Variants in TRIB3 observed in about 807,000 individuals in gnomAD.
TRIB3 encodes tribbles homolog 3.
In TRIB3, 20 loss-of-function variants were observed where a neutral mutation model predicts 16.6. The observed-to-expected ratio is 1.20, with a 90% CI of 0.85 to 1.75. The LOEUF (loss-of-function observed/expected upper bound fraction) is 1.75. Among genes scored for constraint, TRIB3 ranks in the 40% most tolerant of loss-of-function variants. TRIB3 has a pLI of 0.00. For synonymous variants in TRIB3, 208 were observed against 217.0 expected (o/e 0.96, Z 0.36); for missense variants, 484 against 488.9 (o/e 0.99, Z 0.10).
Position 380,771 on chromosome 20 carries a change from G to A in TRIB3, c.-399G>A, listed in dbSNP as rs1358325015. 1.3e-5 allele frequency: 2 copies of A among 152,236 alleles called. No individual in the cohort carries two copies. The highest frequency in any genetic ancestry group is 2.9e-5 in the Non-Finnish European group (2 of 68,192). The allele number at this position is 152,236 out of a possible 1,614,324, so 9.4% of individuals were successfully genotyped here. ...TGTCTGCACTGACCAGACGCCCCTA[G>A]GGGGCCAGCGAGGGCGGGTCCCAGG... On this transcript the variant is annotated 5_prime_UTR_variant, in exon 1 of 4. Coordinates refer to ENST00000217233, the MANE Select transcript of TRIB3 (RefSeq NM_021158.5).
chr20:385,678 C>G (rs1011037392), intron 1 of TRIB3: 1 of 151,844 alleles, frequency 6.6e-6, no homozygotes, highest in East Asian at 1.9e-4. Context: ...GTTTGAGAAC[C>G]ACTGAACCGC....
At position 391,584 on chromosome 20, in the gene TRIB3, G is replaced by C; in HGVS notation, c.584+5G>C. 1 of 1,602,970 alleles carries C rather than the reference G, an allele frequency of 6.2e-7. No individual in the cohort carries two copies. The highest frequency in any genetic ancestry group is 1.3e-5 in the African/African-American group (1 of 74,914). On this transcript the variant is annotated splice_donor_5th_base_variant and intron_variant, in intron 3 of 3. Coordinates refer to ENST00000217233, the MANE Select transcript of TRIB3 (RefSeq NM_021158.5). Reference sequence around the variant, plus strand: ...TGTCTTCGCTGACCGTGAGAGGTGAGTGTGGTCTCAGAGACCCCAGCCACA... The same window carrying C: ...TGTCTTCGCTGACCGTGAGAGGTGACTGTGGTCTCAGAGACCCCAGCCACA...
intron 1 of TRIB3, among the ~76,000 whole-genome samples, chr20:386,486 A>G (rs986587303): frequency 3.3e-5 from 5 of 152,006 alleles, no homozygotes; most frequent in African/African-American, 1.2e-4. Context: ...TCGGCTCATT[A>G]CAACCTCTGC....
rs2014967718 is a variant in TRIB3 at position 391,269 on chromosome 20, AC to A, written c.292-16del. On this transcript the variant is annotated splice_polypyrimidine_tract_variant and intron_variant, in intron 2 of 3. Transcript: ENST00000217233. ...CCCGGGAGTCCCCAGCTGTGCTAAC[AC>A]CATGCTCTGCCCACAGGTGTACCCC... 3 of 1,608,182 alleles carry A rather than the reference AC, an allele frequency of 1.9e-6. No individual in the cohort carries two copies. The highest frequency in any genetic ancestry group is 2.5e-6 in the Non-Finnish European group (3 of 1,178,618).
chr20:389,972 G>A (rs980508520), intron 2 of TRIB3, among the ~76,000 whole-genome samples: 1 of 152,176 alleles, frequency 6.6e-6, no homozygotes, highest in South Asian at 2.1e-4. Flanking sequence ...ACAAAGTTCT[G>A]TTCTCATCAA....
intron 1 of TRIB3, among the ~76,000 whole-genome samples, chr20:386,473 A>G (rs1422310812): frequency 6.6e-6 from 1 of 152,120 alleles, no homozygotes; most frequent in Non-Finnish European, 1.5e-5. Context: ...TAGTGGCACA[A>G]TCTCGGCTCA....
chr20:391,164 G>A, intron 2 of TRIB3, 123 bp from the exon 3 acceptor site: 1 of 1,109,348 alleles, frequency 9.0e-7, no homozygotes, highest in Non-Finnish European at 1.3e-6. Context: ...GACTCGGTCA[G>A]TGAAGCGCTT....
intron 3 of TRIB3, among the ~76,000 whole-genome samples, chr20:394,454 A>G (rs1600256275): frequency 1.3e-5 from 2 of 152,196 alleles, no homozygotes; most frequent in South Asian, 4.1e-4. Flanking sequence ...GGTAGATACA[A>G]CTACCCCGGA....
Position 396,487 on chromosome 20 carries a change from G to A in TRIB3, c.874G>A (p.Val292Ile). The A allele has an allele frequency of 6.2e-7, 1 of 1,612,942 alleles. No individual in the cohort carries two copies. Among genetic ancestry groups the A allele is most frequent in the African/African-American group, 1.3e-5 (1 of 75,066 alleles). ...CCTCTCGGCCCCTGCCCGCTGTCTG[G>A]TTCGCTGCCTCCTTCGTCGGGAGCC... ...AGLSAPARCL[V>I]RCLLRREPAE... is the part of the protein sequence containing the mutation. The change falls in exon 4 of 4, where the codon GTT becomes ATT. Residue 292 changes from valine (V) to isoleucine (I), a missense_variant. Coordinates refer to ENST00000217233, the MANE Select transcript of TRIB3 (RefSeq NM_021158.5).
intron 1 of TRIB3, among the ~76,000 whole-genome samples, chr20:384,869 A>G (rs2014757015): frequency 6.6e-6 from 1 of 152,018 alleles, no homozygotes; most frequent in African/African-American, 2.4e-5. Flanking sequence ...CTTTAAGAAC[A>G]CTGTCCTGGG....
intron 3 of TRIB3, among the ~76,000 whole-genome samples, chr20:394,822 T>C (rs773076747): frequency 2.6e-5 from 4 of 151,450 alleles, no homozygotes; most frequent in African/African-American, 4.8e-5. Flanking sequence ...AAAAATCACA[T>C]GAGAGTCATT....
Position 387,970 on chromosome 20 carries a change from C to T in TRIB3, c.1-41C>T, listed in dbSNP as rs774908403. Reference sequence around the variant, plus strand: ...ACCAGCAGGGGAAAGGAGGGGCCACCAAGCAGTCTCACTTTAGTGCTTTTC... The same window carrying T: ...ACCAGCAGGGGAAAGGAGGGGCCACTAAGCAGTCTCACTTTAGTGCTTTTC... On this transcript the variant is annotated intron_variant, in intron 1 of 3. Coordinates refer to ENST00000217233, the MANE Select transcript of TRIB3 (RefSeq NM_021158.5). The T allele has an allele frequency of 7.6e-6, 12 of 1,584,738 alleles. 1 individual carries two copies. In the Middle Eastern group the frequency reaches 1.0e-3, roughly 134 times the overall value.
intron 1 of TRIB3, among the ~76,000 whole-genome samples, chr20:384,029 ACATCCAATC>A (rs1299337933): frequency 1.3e-5 from 2 of 148,870 alleles, no homozygotes; most frequent in African/African-American, 4.8e-5. Context: ...TTCACCCCTC[ACATCCAATC>A]CATCCAGTCC....
chr20:390,970 C>T (rs1399532298), intron 2 of TRIB3, among the ~76,000 whole-genome samples: 1 of 139,392 alleles, frequency 7.2e-6, no homozygotes, highest in African/African-American at 2.8e-5. Flanking sequence ...CCAGTGTGCT[C>T]CAGCCTGGGT....
rs4141584 is a variant in TRIB3, at chr20:382,300, C to T, written c.-1+1131C>T. ...TGCCCAAGATGTATAGACTCAGTTACCGCATCTGTCCCCATCTGGGTGGAG... is the reference window on the plus strand; with the variant it reads ...TGCCCAAGATGTATAGACTCAGTTATCGCATCTGTCCCCATCTGGGTGGAG... On this transcript the variant is annotated intron_variant, in intron 1 of 3. Transcript: ENST00000217233. 2.7e-3 allele frequency: 1,384 copies of T among 505,194 alleles called. 42 individuals are homozygous for T. In the East Asian group the frequency reaches 0.038, roughly 14 times the overall value. 31.3% of individuals were successfully genotyped at this position (505,194 alleles called of 1,614,324 possible).
intron 3 of TRIB3, 37 bp downstream of exon 3, chr20:391,616 C>T (rs763750514): frequency 1.9e-6 from 3 of 1,583,502 alleles, no homozygotes; most frequent in South Asian, 1.1e-5. Context: ...CACAGACACA[C>T]CCAGGGGGTG....
chr20:388,294 C>A lies in TRIB3; in HGVS notation c.284C>A (p.Thr95Asn). 6.2e-7 allele frequency: 1 copy of A among 1,607,984 alleles called. No individual in the cohort carries two copies. The highest frequency in any genetic ancestry group is 8.5e-7 in the Non-Finnish European group (1 of 1,176,448). Reference protein sequence around the residue: ...ALHCPTGTEYTCKVYPVQEAL... With the variant: ...ALHCPTGTEYNCKVYPVQEAL... The stretch of plus-strand genomic sequence containing the variant: ...CACTGCCCTACAGGCACTGAGTATA[C>A]CTGCAAGGTACGTGCCCATGGGCGG... Residue 95 changes from threonine (T) to asparagine (N), a missense_variant, in exon 2 of 4, where the codon ACC (threonine) becomes AAC (asparagine). Thr to Asn is a moderately conservative substitution (Grantham distance 65). Coordinates refer to ENST00000217233, the MANE Select transcript of TRIB3 (RefSeq NM_021158.5).
At chr20:390,859 A>T (rs1444398013) in intron 2 of TRIB3, among the ~76,000 whole-genome samples, 1 of 151,996 alleles carries the variant, frequency 6.6e-6, no homozygotes, top group East Asian at 1.9e-4. Flanking sequence ...AAAATTAGCT[A>T]GGTGCGGTGG....
intron 2 of TRIB3, among the ~76,000 whole-genome samples, chr20:388,856 G>T (rs1402729722): frequency 6.6e-6 from 1 of 152,124 alleles, no homozygotes; most frequent in East Asian, 1.9e-4. Flanking sequence ...GACCTCGGAG[G>T]TGATCGAGCC....
Sources: allele counts gnomAD v4.1 joint callset (sites outside exome capture counted in the v4.1 genomes callset), GRCh38; gene constraint gnomAD v4.1.1; transcripts MANE v1.5; gene names NCBI Gene and HGNC (gene_info 2026-07-23, HGNC 2026-07-21).